The following TANGO2 variants were observed in gnomAD, a reference collection of about 807,000 sequenced individuals.
The protein encoded by TANGO2 is transport and Golgi organization protein 2 homolog.
TANGO2 carries 26 observed loss-of-function variants against 39.1 expected under a neutral mutation model. The ratio of observed to expected loss-of-function variants is 0.67; its 90% CI spans 0.49 to 0.92. The LOEUF is 0.92. Among genes scored for constraint, TANGO2 ranks in the 40% least tolerant of loss-of-function variants. TANGO2 has a pLI of 0.00. For missense variants in TANGO2, 326 were observed against 360.1 expected (o/e 0.91, Z 0.77); for synonymous variants, 131 against 144.5 (o/e 0.91, Z 0.67).
chr22:20,056,472 C>T lies in TANGO2; in HGVS notation c.451+459C>T, dbSNP rs957891074. The T allele has an allele frequency of 1.1e-5, 5 of 458,662 alleles. No individual in the cohort carries two copies. The East Asian group carries it at 2.1e-4, about 19-fold the overall frequency. The allele number at this position is 458,662 out of a possible 1,614,324, so 28.4% of individuals were successfully genotyped here. On this transcript the variant is annotated intron_variant, in intron 6 of 8. Coordinates refer to ENST00000327374, the MANE Select transcript of TANGO2 (RefSeq NM_152906.7). ...CCAGTCCCCAGTCTGATCCCCGGTCCCCATCCTCAGGGCCTCGAGCCCCTC... is the reference window on the plus strand; with the variant it reads ...CCAGTCCCCAGTCTGATCCCCGGTCTCCATCCTCAGGGCCTCGAGCCCCTC...
chr22:20,024,896 C>T (rs1215363063), intron 1 of TANGO2, among the ~76,000 whole-genome samples: 1 of 152,026 alleles, frequency 6.6e-6, no homozygotes, highest in African/African-American at 2.4e-5. Context: ...CCAGCTACAC[C>T]CCGTCCTATG....
intron 1 of TANGO2, among the ~76,000 whole-genome samples, chr22:20,035,776 T>A (rs1601960078): frequency 6.6e-6 from 1 of 151,744 alleles, no homozygotes; most frequent in Admixed American, 6.6e-5. Context: ...GCGTGTGGGG[T>A]GGGTTTGGTG....
At chr22:20,042,674 A>C (rs2044194067) in intron 2 of TANGO2, among the ~76,000 whole-genome samples, 1 of 152,098 alleles carries the variant, frequency 6.6e-6, no homozygotes, top group Non-Finnish European at 1.5e-5. Flanking sequence ...CTGAGGCGGG[A>C]GAATAGCTTG....
intron 2 of TANGO2, among the ~76,000 whole-genome samples, chr22:20,037,835 C>G (rs1044673968): frequency 6.6e-6 from 1 of 152,172 alleles, no homozygotes; most frequent in African/African-American, 2.4e-5. Context: ...CGGTGGCTCA[C>G]GCCTGTAATC....
upstream of TANGO2, among the ~76,000 whole-genome samples, chr22:20,019,904 T>C (rs1269650560): frequency 6.6e-6 from 1 of 152,144 alleles, no homozygotes; most frequent in African/African-American, 2.4e-5. Context: ...GCATCTGGAG[T>C]CCTTGTAAAA....
intron 2 of TANGO2, among the ~76,000 whole-genome samples, chr22:20,041,987 T>TTA (rs1017879945): frequency 1.4e-5 from 2 of 145,154 alleles, no homozygotes; most frequent in African/African-American, 5.0e-5. Context: ...AGCCATCACT[T>TTA]TTTTTTTTTT....
upstream of TANGO2, chr22:20,019,118 A>C (rs1945406969): frequency 6.6e-6 from 1 of 152,178 alleles, no homozygotes; most frequent in African/African-American, 2.4e-5. Flanking sequence ...TAAGAAAAAC[A>C]CAGCAAGGGA....
At chr22:20,061,415 C>T in intron 6 of TANGO2, 115 bp from the exon 7 acceptor site, 2 of 1,274,910 alleles carry the variant, frequency 1.6e-6, no homozygotes, top group Non-Finnish European at 2.1e-6. Flanking sequence ...TGGCCTCAGT[C>T]TGGCCTGATT....
chr22:20,028,597 C>A lies in TANGO2; in HGVS notation c.-40+7351C>A, dbSNP rs920422425. ...GAATAGAGGGTGAATGAACAGGCAG[C>A]GTATGGGAGGGACCAGCGTTTCTTG... On this transcript the variant is annotated intron_variant, in intron 1 of 8. Coordinates refer to ENST00000327374, the MANE Select transcript of TANGO2 (RefSeq NM_152906.7). Among the ~76,000 whole-genome samples, 6 of 152,284 alleles carry A rather than the reference C, an allele frequency of 3.9e-5. No homozygotes were observed. The East Asian group carries it at 9.6e-4, about 24-fold the overall frequency.
intron 1 of TANGO2, among the ~76,000 whole-genome samples, chr22:20,031,889 C>T (rs1246575576): frequency 6.6e-6 from 1 of 152,234 alleles, no homozygotes; most frequent in Non-Finnish European, 1.5e-5. Flanking sequence ...GCCGTGGGTG[C>T]AGGGTCCAGC....
rs577040568 is a variant in TANGO2 at position 20,059,602 on chromosome 22, C to T, written c.452-1928C>T. Among the ~76,000 whole-genome samples the T allele has an allele frequency of 7.9e-5, 12 of 151,896 alleles. No homozygotes were observed. The East Asian group carries it at 1.9e-3, about 25-fold the overall frequency. On this transcript the variant is annotated intron_variant, in intron 6 of 8. Coordinates refer to ENST00000327374, the MANE Select transcript of TANGO2 (RefSeq NM_152906.7). ...TAGTGGGTGTGAAGTTGTGTGGACT[C>T]GTGGTTTGGTTTGCGTTTCTCTGAT...
At chr22:20,043,152 C>T (rs554196860) in intron 2 of TANGO2, among the ~76,000 whole-genome samples, 3 of 152,320 alleles carry the variant, frequency 2.0e-5, no homozygotes, top group Middle Eastern at 3.4e-3. Context: ...GTTTCCCGTG[C>T]GGTCCCAGCT....
At chr22:20,053,815 A>G in intron 5 of TANGO2, 1 of 515,332 alleles carries the variant, frequency 1.9e-6, no homozygotes, top group Non-Finnish European at 3.8e-6. Flanking sequence ...GAACAGTCAC[A>G]TAGAGTGGCT....
intron 8 of TANGO2, 56 bp from the exon 9 acceptor site, chr22:20,064,486 C>T: frequency 6.2e-7 from 1 of 1,606,534 alleles, no homozygotes; most frequent in Non-Finnish European, 8.5e-7. Context: ...GTGGCTGTGA[C>T]AGGCAGGGCA....
intron 5 of TANGO2, 32 bp from the exon 6 acceptor site, chr22:20,055,911 G>T: frequency 6.3e-7 from 1 of 1,592,740 alleles, no homozygotes; most frequent in Non-Finnish European, 8.6e-7. Context: ...CCCTATGGCT[G>T]TAGTCTGACA....
At position 20,066,705 on chromosome 22, in the gene TANGO2, T is replaced by C. The variant is rs1478226805; in HGVS notation, c.*2043T>C. The stretch of plus-strand genomic sequence containing the variant: ...ACAACAGGCTCCCGGCTGGGGGCAC[T>C]GCCCTTGCTGCCAACACATTCACCT... On this transcript the variant is annotated 3_prime_UTR_variant, in exon 9 of 9. Transcript: ENST00000327374. 6.6e-6 allele frequency among the ~76,000 whole-genome samples: 1 copy of C among 152,172 alleles called. No individual in the cohort carries two copies. The highest frequency in any genetic ancestry group is 1.5e-5 in the Non-Finnish European group (1 of 68,006).
intron 6 of TANGO2, among the ~76,000 whole-genome samples, chr22:20,060,245 A>G (rs916673127): frequency 3.4e-5 from 5 of 148,800 alleles, no homozygotes; most frequent in Admixed American, 1.4e-4. Context: ...GCTACGTGGG[A>G]GGCTGAGACA....
At chr22:20,030,688 C>T (rs1441239632) in intron 1 of TANGO2, among the ~76,000 whole-genome samples, 1 of 152,016 alleles carries the variant, frequency 6.6e-6, no homozygotes, top group African/African-American at 2.4e-5. Flanking sequence ...TGGCCTCAAA[C>T]TCCTGACCTC....
chr22:20,056,157 A>C (rs1602298919), intron 6 of TANGO2, 144 bp downstream of exon 6: 1 of 739,976 alleles, frequency 1.4e-6, no homozygotes. Flanking sequence ...GTCTGTGGGC[A>C]CCTTGCCCTG....
Sources: allele counts gnomAD v4.1 joint callset (sites outside exome capture counted in the v4.1 genomes callset), GRCh38; gene constraint gnomAD v4.1.1; transcripts MANE v1.5; gene names NCBI Gene and HGNC (gene_info 2026-07-23, HGNC 2026-07-21).